REDIC1: variants seen among roughly 807,000 people sequenced by gnomAD.
REDIC1 encodes regulator of DNA class I crossover intermediates 1.
chr12:39,707,707 T>C, the REDIC1 span, among the ~76,000 whole-genome samples: 1 of 151,980 alleles, frequency 6.6e-6, no homozygotes, highest in Non-Finnish European at 1.5e-5. Flanking sequence ...CATTGTTTTA[T>C]AATGTTTAAT....
chr12:39,747,157 C>T, the REDIC1 span, among the ~76,000 whole-genome samples: 3 of 152,112 alleles, frequency 2.0e-5, no homozygotes, highest in Admixed American at 6.6e-5. Flanking sequence ...AAACCCATCA[C>T]AAATAAGCTA....
the REDIC1 span, among the ~76,000 whole-genome samples, chr12:39,713,560 A>G: frequency 6.7e-6 from 1 of 150,054 alleles, no homozygotes; most frequent in Admixed American, 6.7e-5. Context: ...GCGTGCATAC[A>G]TGTGTACGCG....
the REDIC1 span, chr12:39,683,590 G>A: frequency 1.2e-6 from 1 of 861,128 alleles, no homozygotes; most frequent in Non-Finnish European, 1.8e-6. Context: ...ATTTGAGGGT[G>A]GGCAGGCAAC....
At chr12:39,713,713 A>T in the REDIC1 span, among the ~76,000 whole-genome samples, 1 of 149,592 alleles carries the variant, frequency 6.7e-6, no homozygotes, top group Admixed American at 6.7e-5. Flanking sequence ...ATATTTATGT[A>T]TGCCTGTATA....
the REDIC1 span, among the ~76,000 whole-genome samples, chr12:39,713,951 A>G: frequency 6.7e-6 from 1 of 148,400 alleles, no homozygotes; most frequent in East Asian, 2.0e-4. Context: ...ACCTATATAT[A>G]CGTGTATATA....
At chr12:39,670,157 G>A in the REDIC1 span, among the ~76,000 whole-genome samples, 1 of 151,868 alleles carries the variant, frequency 6.6e-6, no homozygotes, top group Non-Finnish European at 1.5e-5. Context: ...GGGAGCTGTA[G>A]ACTGGAGCTG....
At chr12:39,671,224 T>C in the REDIC1 span, among the ~76,000 whole-genome samples, 10 of 152,282 alleles carry the variant, frequency 6.6e-5, no homozygotes, top group Middle Eastern at 3.4e-3. Flanking sequence ...ATCCATAAAG[T>C]TGGTTGGGTA....
chr12:39,702,788 A>G, the REDIC1 span, among the ~76,000 whole-genome samples: 2 of 152,232 alleles, frequency 1.3e-5, no homozygotes, highest in Non-Finnish European at 2.9e-5. Context: ...ATATACGCAA[A>G]TCAATAAATG....
At chr12:39,895,514 TTATATATATATATATATATATATATA>T in the REDIC1 span, among the ~76,000 whole-genome samples, 1 of 56,664 alleles carries the variant, frequency 1.8e-5, no homozygotes, top group African/African-American at 7.6e-5. Flanking sequence ...AAAAAAAAAA[TTATATATATATATATATATATATATA>T]TATATATATA....
the REDIC1 span, among the ~76,000 whole-genome samples, chr12:39,812,549 T>C: frequency 6.6e-6 from 1 of 151,760 alleles, no homozygotes; most frequent in Non-Finnish European, 1.5e-5. Flanking sequence ...CTCAGCTCAC[T>C]GCAACCTCCG....
the REDIC1 span, among the ~76,000 whole-genome samples, chr12:39,635,323 A>C: frequency 6.6e-6 from 1 of 152,160 alleles, no homozygotes; most frequent in African/African-American, 2.4e-5. Context: ...AAATCATTCT[A>C]TGATAAAGAC....
At chr12:39,748,956 A>T in the REDIC1 span, among the ~76,000 whole-genome samples, 8 of 152,144 alleles carry the variant, frequency 5.3e-5, no homozygotes, top group African/African-American at 1.9e-4. Flanking sequence ...AAATACCCAC[A>T]AGAGAAAGCA....
chr12:39,659,053 C>T, the REDIC1 span, among the ~76,000 whole-genome samples: 2 of 151,998 alleles, frequency 1.3e-5, no homozygotes, highest in Non-Finnish European at 2.9e-5. Flanking sequence ...GTTTGAAAGA[C>T]TTAACATTTC....
At chr12:39,808,086 A>G in the REDIC1 span, among the ~76,000 whole-genome samples, 1 of 152,180 alleles carries the variant, frequency 6.6e-6, no homozygotes, top group African/African-American at 2.4e-5. Flanking sequence ...AAGAGAGTAA[A>G]CATTTCCATA....
the REDIC1 span, chr12:39,764,837 G>T: frequency 6.2e-7 from 1 of 1,612,096 alleles, no homozygotes; most frequent in South Asian, 1.1e-5. Flanking sequence ...CTTCTGTTTT[G>T]AACTTGGTTT....
At chr12:39,749,235 G>C in the REDIC1 span, among the ~76,000 whole-genome samples, 2 of 151,958 alleles carry the variant, frequency 1.3e-5, no homozygotes, top group Non-Finnish European at 2.9e-5. Flanking sequence ...TGATAAAGGG[G>C]ATATCACCAC....
the REDIC1 span, chr12:39,829,302 C>T: frequency 6.7e-6 from 1 of 148,512 alleles, no homozygotes; most frequent in Non-Finnish European, 1.5e-5. Context: ...AAATTTTATC[C>T]TTATTTTGCT....
chr12:39,689,354 T>C, the REDIC1 span, among the ~76,000 whole-genome samples: 1 of 152,158 alleles, frequency 6.6e-6, no homozygotes, highest in East Asian at 1.9e-4. Flanking sequence ...GATATACTTT[T>C]TAAAAACAAT....
chr12:39,800,249 A>G, the REDIC1 span, among the ~76,000 whole-genome samples: 3 of 152,206 alleles, frequency 2.0e-5, no homozygotes, highest in East Asian at 5.8e-4. Flanking sequence ...TTGTGACTAG[A>G]ATCTCTTCTG....
Sources: allele counts gnomAD v4.1 joint callset (sites outside exome capture counted in the v4.1 genomes callset), GRCh38; gene constraint gnomAD v4.1.1; transcripts MANE v1.5; gene names NCBI Gene and HGNC (gene_info 2026-07-23, HGNC 2026-07-21).